SLCO1A2: variants seen among roughly 807,000 people sequenced by gnomAD.
SLCO1A2 encodes the protein OATP-1.
In SLCO1A2, 67 loss-of-function variants were observed where a neutral mutation model predicts 69.0. The observed-to-expected ratio is 0.97, with a 90% CI of 0.80 to 1.19. SLCO1A2 has a LOEUF of 1.19. Among genes scored for constraint, SLCO1A2 ranks in the 50% most tolerant of loss-of-function variants. SLCO1A2 has a pLI of 0.00. For missense variants in SLCO1A2, 787 were observed against 793.7 expected, an observed-to-expected ratio of 0.99 and a Z score of 0.10; for synonymous variants, 260 against 265.9, an observed-to-expected ratio of 0.98 and a Z score of 0.22.
Position 21,301,151 on chromosome 12 carries a change from A to C in SLCO1A2, c.688+20T>G, listed in dbSNP as rs199649443. 8 of 1,539,022 alleles carry C rather than the reference A, an allele frequency of 5.2e-6. No homozygotes were observed. Among genetic ancestry groups the C allele is most frequent in the African/African-American group, 1.4e-5 (1 of 73,476 alleles). ...CTTTGTATAGTCTAGACACTGTACAAATAGATTTTATTGAATTACCTGTGT... is the reference window on the plus strand; with the variant it reads ...CTTTGTATAGTCTAGACACTGTACACATAGATTTTATTGAATTACCTGTGT... On this transcript the variant is annotated intron_variant, in intron 7 of 14. Transcript: ENST00000683939.
chr12:21,324,677 T>A (rs1027315988), intron 2 of SLCO1A2: 2 of 152,128 alleles, frequency 1.3e-5, no homozygotes, highest in Admixed American at 1.3e-4. Context: ...AAAGAATAAA[T>A]AATTTAAAAG....
chr12:21,297,608 C>A, intron 8 of SLCO1A2, 40 bp from the exon 9 acceptor site: 1 of 1,424,366 alleles, frequency 7.0e-7, no homozygotes. Context: ...ACGAACTTGG[C>A]TTTGCATTTT....
At chr12:21,309,128 A>G (rs989134934) in intron 4 of SLCO1A2, among the ~76,000 whole-genome samples, 2 of 152,174 alleles carry the variant, frequency 1.3e-5, no homozygotes, top group African/African-American at 4.8e-5. Flanking sequence ...AAAGGCATGG[A>G]AAATAAAGTT....
chr12:21,281,730 C>T (rs1159266883), intron 12 of SLCO1A2, among the ~76,000 whole-genome samples: 1 of 152,044 alleles, frequency 6.6e-6, no homozygotes, highest in African/African-American at 2.4e-5. Context: ...AACATTACAA[C>T]TGATACCACA....
At chr12:21,303,151 C>CAT (rs1400768824) in intron 6 of SLCO1A2, among the ~76,000 whole-genome samples, 2 of 152,036 alleles carry the variant, frequency 1.3e-5, no homozygotes, top group African/African-American at 4.8e-5. Context: ...ATACACACTA[C>CAT]ATATATATAG....
intron 12 of SLCO1A2, among the ~76,000 whole-genome samples, chr12:21,288,401 A>G (rs1340060046): frequency 6.6e-6 from 1 of 152,142 alleles, no homozygotes; most frequent in Non-Finnish European, 1.5e-5. Context: ...AGATTGTGCC[A>G]CTGCACTCCA....
In SLCO1A2 at chr12:21,274,486, A is replaced by G; in HGVS notation, c.1776T>C (p.Tyr592=). ...KCGESGACRI[Y]DSTTFRYIYL... ...ATCTTTACCTGAAGGTGGTGGAATCATATATCCTGCATGCCCCTGACTCAC... is the reference window on the plus strand; with the variant it reads ...ATCTTTACCTGAAGGTGGTGGAATCGTATATCCTGCATGCCCCTGACTCAC... Residue 592 remains tyrosine, a synonymous_variant, in exon 14 of 15, where the codon TAT becomes TAC. Coordinates refer to ENST00000683939, the MANE Select transcript of SLCO1A2 (RefSeq NM_001386879.1). 1 of 1,610,036 alleles carries G rather than the reference A, an allele frequency of 6.2e-7. No homozygotes were observed. Among genetic ancestry groups the G allele is most frequent in the Non-Finnish European group, 8.5e-7 (1 of 1,176,358 alleles).
chr12:21,395,850 A>T (rs1248854121), upstream of SLCO1A2, among the ~76,000 whole-genome samples: 1 of 152,238 alleles, frequency 6.6e-6, no homozygotes, highest in East Asian at 1.9e-4. Flanking sequence ...CAGAAAGGAC[A>T]TCCACACCAA....
intron 12 of SLCO1A2, among the ~76,000 whole-genome samples, chr12:21,283,996 G>C (rs60205393): frequency 0.047 from 7,221 of 152,192 alleles, 561 homozygotes; most frequent in African/African-American, 0.16. Context: ...ATGCAGAACA[G>C]TTTGGAGGTT....
chr12:21,305,127 T>C (rs538883693), intron 5 of SLCO1A2, among the ~76,000 whole-genome samples: 92 of 152,358 alleles, frequency 6.0e-4, no homozygotes, highest in African/African-American at 2.2e-3. Flanking sequence ...TCATAGGTTC[T>C]CTATAGAGCA....
At chr12:21,353,224 G>T (rs757984214) in intron 2 of SLCO1A2, among the ~76,000 whole-genome samples, 1 of 152,050 alleles carries the variant, frequency 6.6e-6, no homozygotes, top group Non-Finnish European at 1.5e-5. Flanking sequence ...ACTTAAGTTG[G>T]AAGTTACTTA....
At chr12:21,355,501 C>T (rs2137026701) in intron 2 of SLCO1A2, among the ~76,000 whole-genome samples, 1 of 152,222 alleles carries the variant, frequency 6.6e-6, no homozygotes, top group African/African-American at 2.4e-5. Flanking sequence ...GATACAAGGC[C>T]TAGGATCTGG....
At chr12:21,360,952 T>A (rs1452741437) in intron 2 of SLCO1A2, among the ~76,000 whole-genome samples, 2 of 151,980 alleles carry the variant, frequency 1.3e-5, no homozygotes, top group Non-Finnish European at 2.9e-5. Flanking sequence ...AGACTCCACC[T>A]CTAGGGGCAG....
chr12:21,282,072 A>G (rs947697514), intron 12 of SLCO1A2, among the ~76,000 whole-genome samples: 1 of 151,728 alleles, frequency 6.6e-6, no homozygotes, highest in African/African-American at 2.4e-5. Context: ...AACTCATTCT[A>G]TGAGGCCAGT....
intron 1 of SLCO1A2, among the ~76,000 whole-genome samples, chr12:21,413,598 A>C (rs190887338): frequency 2.2e-4 from 33 of 152,108 alleles, no homozygotes; most frequent in African/African-American, 8.0e-4. Context: ...TACATAGACA[A>C]ATTTCCACAG....
chr12:21,401,392 TA>T (rs1161962710), intron 1 of SLCO1A2, among the ~76,000 whole-genome samples: 1 of 151,734 alleles, frequency 6.6e-6, no homozygotes, highest in African/African-American at 2.4e-5. Context: ...CAGAAAACTT[TA>T]ACAAAAATGT....
At chr12:21,335,450 T>C (rs1012612167), upstream of SLCO1A2, among the ~76,000 whole-genome samples, 1 of 149,126 alleles carries the variant, frequency 6.7e-6, no homozygotes, top group African/African-American at 2.6e-5. Flanking sequence ...CATTTTTATA[T>C]GTAAAACAAA....
At chr12:21,390,094 A>C (rs7967770) in intron 1 of SLCO1A2, among the ~76,000 whole-genome samples, 16,463 of 151,976 alleles carry the variant, frequency 0.11, 1,128 homozygotes, top group East Asian at 0.38. Flanking sequence ...TCTTATAAAA[A>C]TAGATGGAAT....
At chr12:21,274,928 A>G in intron 13 of SLCO1A2, 1 of 1,052,730 alleles carries the variant, frequency 9.5e-7, no homozygotes, top group Non-Finnish European at 1.1e-6. Flanking sequence ...AAATCTTCAA[A>G]CAAAGAATAG....
Sources: gnomAD v4.1 joint callset for allele counts (sites outside exome capture counted in the v4.1 genomes callset) on GRCh38, gnomAD v4.1.1 for gene constraint, MANE v1.5 for transcripts, NCBI Gene and HGNC (gene_info 2026-07-23, HGNC 2026-07-21) for gene names.